Variants in P4HA2 observed in about 807,000 individuals in gnomAD.
P4HA2 encodes the protein prolyl 4-hydroxylase subunit alpha 2.
Under a neutral mutation model 76.9 loss-of-function variants are expected in P4HA2, and 46 were observed. The ratio of observed to expected loss-of-function variants is 0.60; its 90% CI spans 0.47 to 0.76. The LOEUF (loss-of-function observed/expected upper bound fraction) is 0.76, where lower values mean the gene tolerates loss of function less well. P4HA2 is among the 30% of genes least tolerant of loss of function. P4HA2 has a pLI of 0.00. For synonymous variants in P4HA2, 243 were observed against 254.0 expected, an observed-to-expected ratio of 0.96 and a Z score of 0.41; for missense variants, 583 against 669.4, an observed-to-expected ratio of 0.87 and a Z score of 1.42.
chr5:132,210,690 A>T (rs1752958079), intron 5 of P4HA2, among the ~76,000 whole-genome samples, 167 bp from the exon 6 acceptor site: 1 of 152,176 alleles, frequency 6.6e-6, no homozygotes, highest in African/African-American at 2.4e-5. Context: ...CAGTGAGCAC[A>T]GACAGATGGC....
intron 8 of P4HA2, among the ~76,000 whole-genome samples, chr5:132,207,178 T>C (rs1297533447): frequency 6.6e-6 from 1 of 152,096 alleles, no homozygotes; most frequent in African/African-American, 2.4e-5. Context: ...ATAAAGTAAA[T>C]TAACAGTAAC....
At chr5:132,212,782 AC>A (rs1753269559) in intron 5 of P4HA2, among the ~76,000 whole-genome samples, 1 of 152,086 alleles carries the variant, frequency 6.6e-6, no homozygotes, top group African/African-American at 2.4e-5. Context: ...CTGCCCCATA[AC>A]CCTATTCAGG....
In P4HA2 at chr5:132,218,587, C is replaced by G; in HGVS notation, c.40G>C (p.Gly14Arg). The G allele has an allele frequency of 6.2e-7, 1 of 1,613,952 alleles. No individual in the cohort carries two copies. The highest frequency in any genetic ancestry group is 8.5e-7 in the Non-Finnish European group (1 of 1,179,888). The change falls in exon 2 of 15, where the codon GGT (glycine) becomes CGT (arginine). Residue 14 changes from glycine (G) to arginine (R), a missense_variant. Coordinates refer to ENST00000360568, the MANE Select transcript of P4HA2 (RefSeq NM_001017974.2). ...WVSALLMAWF[G>R]VLSCVQAEFF... is the part of the protein sequence containing the mutation. ...TCGGCCTGCACACAGCTCAGGACAC[C>G]AAACCAGGCCATCAGCAATGCAGAC...
chr5:132,208,618 G>A (rs996586089), intron 7 of P4HA2, among the ~76,000 whole-genome samples: 2 of 151,766 alleles, frequency 1.3e-5, no homozygotes, highest in African/African-American at 4.8e-5. Context: ...GAAGGGCTGG[G>A]ACAGGGGAGA....
chr5:132,198,265 C>T, intron 12 of P4HA2, 56 bp downstream of exon 12: 1 of 1,614,208 alleles, frequency 6.2e-7, no homozygotes. Flanking sequence ...GTATCTCGCT[C>T]ATCATTCTAC....
intron 5 of P4HA2, 47 bp from the exon 6 acceptor site, chr5:132,210,570 TAGGGAA>T: frequency 1.9e-6 from 3 of 1,608,692 alleles, no homozygotes. Flanking sequence ...GCCTCTGGAT[TAGGGAA>T]AGAGATTCCC....
chr5:132,205,455 T>C (rs1292844116), intron 8 of P4HA2, among the ~76,000 whole-genome samples: 1 of 151,998 alleles, frequency 6.6e-6, no homozygotes, highest in African/African-American at 2.4e-5. Context: ...GAAGGCTTTA[T>C]GCAGGGGAGG....
intron 2 of P4HA2, 159 bp from the exon 3 acceptor site, chr5:132,218,007 G>C: frequency 1.8e-6 from 1 of 553,468 alleles, no homozygotes; most frequent in Non-Finnish European, 3.2e-6. Flanking sequence ...GGGGGCCTAG[G>C]CACTCATGGG....
chr5:132,210,335 A>G lies in P4HA2; in HGVS notation c.658T>C (p.Leu220=). The G allele has an allele frequency of 3.1e-6, 5 of 1,614,156 alleles. No individual in the cohort carries two copies. Among genetic ancestry groups the G allele is most frequent in the Non-Finnish European group, 4.2e-6 (5 of 1,180,028 alleles). Residue 220 remains leucine, a synonymous_variant, in exon 6 of 15, where the codon TTG becomes CTG. Transcript: ENST00000360568. ...LDYLSYAVFQ[L]GDLHRALELT... is the part of the protein sequence containing the mutation. ...TCCAGGGCACGGTGCAGATCACCCA[A>G]CTGGAAGACAGCATAGCTGAGGTAG...
intron 4 of P4HA2, among the ~76,000 whole-genome samples, chr5:132,215,703 C>T (rs2126611267): frequency 6.6e-6 from 1 of 152,246 alleles, no homozygotes; most frequent in Middle Eastern, 3.4e-3. Context: ...GGTACAATGG[C>T]ACTGTGCCTA....
At chr5:132,203,960 G>T in intron 9 of P4HA2, 113 bp from the exon 10 acceptor site, 2 of 1,142,220 alleles carry the variant, frequency 1.8e-6, no homozygotes, top group Non-Finnish European at 2.7e-6. Context: ...CAGGATGCCT[G>T]CTGCAAGGGG....
chr5:132,225,098 G>C (rs911165217), intron 1 of P4HA2, among the ~76,000 whole-genome samples: 1 of 147,870 alleles, frequency 6.8e-6, no homozygotes, highest in Non-Finnish European at 1.5e-5. Context: ...TTCCATGTCC[G>C]TAACACAAAG....
intron 2 of P4HA2, 162 bp from the exon 3 acceptor site, chr5:132,218,010 C>T (rs1346342899): frequency 5.5e-6 from 3 of 543,388 alleles, no homozygotes; most frequent in South Asian, 2.6e-5. Context: ...GGCCTAGGCA[C>T]TCATGGGGCT....
intron 11 of P4HA2, 46 bp from the exon 12 acceptor site, chr5:132,198,426 C>T: frequency 6.4e-7 from 1 of 1,569,044 alleles, no homozygotes; most frequent in Non-Finnish European, 8.8e-7. Context: ...CAGGCTTCAT[C>T]CACCACCCAC....
rs1011435623 is a variant in P4HA2 at position 132,198,116 on chromosome 5, A to C, written c.1365+205T>G. On this transcript the variant is annotated intron_variant, in intron 12 of 14. Coordinates refer to ENST00000360568, the MANE Select transcript of P4HA2 (RefSeq NM_001017974.2). ...AAGGACCTGACCATTACTTAACAGC[A>C]GATGAGATCAGCCCTGATGGGGGTG... is the stretch of plus-strand genomic sequence containing the variant. The C allele has an allele frequency of 4.4e-6, 7 of 1,576,620 alleles. No homozygotes were observed. In the East Asian group the frequency reaches 1.6e-4, roughly 37 times the overall value.
At chr5:132,199,884 A>T (rs1265706268) in intron 10 of P4HA2, 2 of 152,220 alleles carry the variant, frequency 1.3e-5, no homozygotes, top group African/African-American at 4.8e-5. Context: ...CTACAAAACT[A>T]GCAATAACAG....
chr5:132,226,006 G>C (rs188137837), intron 1 of P4HA2, among the ~76,000 whole-genome samples: 1 of 152,276 alleles, frequency 6.6e-6, no homozygotes, highest in East Asian at 1.9e-4. Context: ...GGCCCTAAAA[G>C]AAAAGAATTC....
intron 2 of P4HA2, 66 bp from the exon 3 acceptor site, chr5:132,217,914 GGCACAGAATACCA>G (rs778172435): frequency 8.7e-6 from 8 of 921,062 alleles, no homozygotes; most frequent in South Asian, 4.5e-5. Context: ...CCTTCCTTGG[GGCACAGAATACCA>G]GCACAGAAGC....
intron 12 of P4HA2, among the ~76,000 whole-genome samples, chr5:132,196,407 G>C (rs571002810): frequency 1.9e-4 from 29 of 152,144 alleles, no homozygotes; most frequent in Non-Finnish European, 2.4e-4. Flanking sequence ...TTCTCTTACA[G>C]GACTACATAC....
Sources: allele counts gnomAD v4.1 joint callset (sites outside exome capture counted in the v4.1 genomes callset), GRCh38; gene constraint gnomAD v4.1.1; transcripts MANE v1.5; gene names NCBI Gene and HGNC (gene_info 2026-07-23, HGNC 2026-07-21).